Variants in OSBP observed in about 807,000 individuals in gnomAD.
The protein encoded by OSBP is oxysterol-binding protein 1.
OSBP carries 32 observed loss-of-function variants against 96.6 expected under a neutral mutation model. That is an observed-to-expected ratio of 0.33 (90% confidence interval 0.25 to 0.45). The LOEUF is 0.45. OSBP is among the 20% of genes least tolerant of loss of function. OSBP has a pLI of 1.00. For synonymous variants in OSBP, 369 were observed against 389.6 expected, an observed-to-expected ratio of 0.95 and a Z score of 0.62; for missense variants, 653 against 1,029.7, an observed-to-expected ratio of 0.63 and a Z score of 5.01.
At chr11:59,593,514 C>G (rs1860610844) in intron 9 of OSBP, 90 bp downstream of exon 9, 1 of 1,447,692 alleles carries the variant, frequency 6.9e-7, no homozygotes, top group South Asian at 1.2e-5. Context: ...GACCTCCTGT[C>G]TCCTGACTCT....
rs895728890 is a variant in OSBP at position 59,590,684 on chromosome 11, A to G, written c.1678+2920T>C. On this transcript the variant is annotated intron_variant, in intron 9 of 13. Transcript: ENST00000263847. ...TGAATACACTGGAGCAGTGTATTAA[A>G]CTGCCAGTCATCTATCTGCTCACTT... Among the ~76,000 whole-genome samples the G allele has an allele frequency of 2.6e-5, 4 of 152,312 alleles. No individual in the cohort carries two copies. In the East Asian group the frequency reaches 5.8e-4, roughly 22 times the overall value.
At chr11:59,611,720 A>G (rs141932575) in intron 1 of OSBP, among the ~76,000 whole-genome samples, 40 of 152,308 alleles carry the variant, frequency 2.6e-4, no homozygotes, top group African/African-American at 8.2e-4. Flanking sequence ...ATAGCTAGGA[A>G]AGATTCAGCA....
intron 1 of OSBP, among the ~76,000 whole-genome samples, chr11:59,611,642 T>C (rs533666009): frequency 3.3e-4 from 50 of 152,330 alleles, no homozygotes; most frequent in African/African-American, 1.2e-3. Context: ...TGTTTTAATC[T>C]TTCTGGAATA....
intron 3 of OSBP, among the ~76,000 whole-genome samples, chr11:59,606,635 A>C (rs1860784172): frequency 6.6e-6 from 1 of 152,196 alleles, no homozygotes; most frequent in Admixed American, 6.5e-5. Flanking sequence ...AGCATCACGC[A>C]ATATACCTAT....
intron 10 of OSBP, 57 bp from the exon 11 acceptor site, chr11:59,580,326 A>G: frequency 9.5e-7 from 1 of 1,054,342 alleles, no homozygotes; most frequent in East Asian, 2.4e-5. Flanking sequence ...TGTCTGCCAA[A>G]CCCATGGTTC....
rs1368323284 is a variant in OSBP at position 59,575,394 on chromosome 11, A to G, written c.*1183T>C. On this transcript the variant is annotated 3_prime_UTR_variant, in exon 14 of 14. Transcript: ENST00000263847. ...AGGTTTTGAAATCTCTCTGCCCATAAAAGATGGAGAGCAGGAGTGCCATCC... is the reference window on the plus strand; with the variant it reads ...AGGTTTTGAAATCTCTCTGCCCATAGAAGATGGAGAGCAGGAGTGCCATCC... The G allele has an allele frequency of 6.6e-6, 1 of 152,298 alleles. No individual in the cohort carries two copies. Among genetic ancestry groups the G allele is most frequent in the Non-Finnish European group, 1.5e-5 (1 of 68,030 alleles). The allele number at this position is 152,298 out of a possible 1,614,324, so 9.4% of individuals were successfully genotyped here. A position where few individuals can be genotyped will look rare whatever the true frequency, so the allele number is the denominator to read the frequency against.
At chr11:59,585,237 C>T (rs1860482289) in intron 9 of OSBP, among the ~76,000 whole-genome samples, 1 of 151,776 alleles carries the variant, frequency 6.6e-6, no homozygotes, top group South Asian at 2.1e-4. Flanking sequence ...TGAGGAGCGT[C>T]TCTGCCCAGC....
intron 9 of OSBP, among the ~76,000 whole-genome samples, chr11:59,588,612 G>A (rs1465832453): frequency 2.6e-5 from 4 of 152,190 alleles, no homozygotes; most frequent in East Asian, 3.9e-4. Flanking sequence ...TGGAGATGGA[G>A]GGTGGTGATG....
chr11:59,599,347 A>G (rs1322040766), intron 7 of OSBP, among the ~76,000 whole-genome samples: 4 of 152,228 alleles, frequency 2.6e-5, no homozygotes, highest in African/African-American at 4.8e-5. Flanking sequence ...TGCTTCTTAG[A>G]TGGTAGCCAG....
intron 9 of OSBP, among the ~76,000 whole-genome samples, chr11:59,587,996 T>A (rs145274236): frequency 4.6e-5 from 7 of 152,312 alleles, no homozygotes; most frequent in African/African-American, 1.7e-4. Flanking sequence ...CATCAACAGA[T>A]GAATGGATAA....
chr11:59,578,586 A>G (rs1464161521), intron 11 of OSBP, among the ~76,000 whole-genome samples: 2 of 152,178 alleles, frequency 1.3e-5, no homozygotes, highest in African/African-American at 4.8e-5. Flanking sequence ...AGTAGCTAGA[A>G]CTACAGGCAT....
Position 59,576,151 on chromosome 11 carries a change from T to C in OSBP, c.*426A>G, listed in dbSNP as rs1472203480. On this transcript the variant is annotated 3_prime_UTR_variant, in exon 14 of 14. Coordinates refer to ENST00000263847, the MANE Select transcript of OSBP (RefSeq NM_002556.3). ...CTTATGTGTTTCTTTTTAAGGGAAC[T>C]TCTAAATTCGGCTCTTGCTTTTAAC... 2 of 164,740 alleles carry C rather than the reference T, an allele frequency of 1.2e-5. No individual in the cohort carries two copies. The highest frequency in any genetic ancestry group is 4.8e-5 in the African/African-American group (2 of 41,642). 10.2% of individuals were successfully genotyped at this position (164,740 alleles called of 1,614,324 possible).
chr11:59,615,128 G>A (rs992420735), intron 1 of OSBP, among the ~76,000 whole-genome samples, 175 bp downstream of exon 1: 1 of 152,172 alleles, frequency 6.6e-6, no homozygotes, highest in African/African-American at 2.4e-5. Context: ...ACGTCCAGGG[G>A]CTTTTCACTT....
intron 9 of OSBP, among the ~76,000 whole-genome samples, chr11:59,589,531 G>A (rs1860550791): frequency 6.6e-6 from 1 of 151,600 alleles, no homozygotes; most frequent in Non-Finnish European, 1.5e-5. Flanking sequence ...AGCCTGGGAG[G>A]CGGAGGTTGC....
chr11:59,578,304 T>C lies in OSBP; in HGVS notation c.1905A>G (p.Ser635=). Residue 635 remains serine (S), a synonymous_variant, in exon 12 of 14, where the codon TCA becomes TCG. Coordinates refer to ENST00000263847, the MANE Select transcript of OSBP (RefSeq NM_002556.3). Reference sequence around the variant, plus strand: ...CCAGAAGAGCAAAGTGGACTTTTCCTGATGGATCTGTCACTTCCCCCGTCA... The same window carrying C: ...CCAGAAGAGCAAAGTGGACTTTTCCCGATGGATCTGTCACTTCCCCCGTCA... ...RKVTGEVTDP[S]GKVHFALLGT... is the part of the protein sequence containing the mutation. 6.2e-7 allele frequency: 1 copy of C among 1,614,212 alleles called. No individual in the cohort carries two copies. The highest frequency in any genetic ancestry group is 8.5e-7 in the Non-Finnish European group (1 of 1,180,038).
intron 3 of OSBP, among the ~76,000 whole-genome samples, chr11:59,604,200 A>T (rs908479314): frequency 6.6e-6 from 1 of 152,184 alleles, no homozygotes; most frequent in Non-Finnish European, 1.5e-5. Context: ...GTTGTTTTAC[A>T]TGTAAGCACT....
intron 9 of OSBP, among the ~76,000 whole-genome samples, chr11:59,592,410 G>A (rs547608035): frequency 4.6e-5 from 7 of 152,258 alleles, no homozygotes; most frequent in African/African-American, 1.4e-4. Context: ...CTGAGCAAAG[G>A]TGAATTCATT....
At chr11:59,600,717 A>G in intron 6 of OSBP, 90 bp from the exon 7 acceptor site, 1 of 1,568,928 alleles carries the variant, frequency 6.4e-7, no homozygotes, top group African/African-American at 1.4e-5. Flanking sequence ...AAAAAAAGAA[A>G]AAAAAATCAG....
At chr11:59,596,385 T>C (rs1390727724) in intron 7 of OSBP, among the ~76,000 whole-genome samples, 1 of 152,112 alleles carries the variant, frequency 6.6e-6, no homozygotes, top group Non-Finnish European at 1.5e-5. Flanking sequence ...CAGCAGTGCA[T>C]GGGACTAGAA....
Sources: gnomAD v4.1 joint callset for allele counts (sites outside exome capture counted in the v4.1 genomes callset) on GRCh38, gnomAD v4.1.1 for gene constraint, MANE v1.5 for transcripts, NCBI Gene and HGNC (gene_info 2026-07-23, HGNC 2026-07-21) for gene names.